Variants in ZNF385D observed in about 807,000 individuals in gnomAD.
ZNF385D encodes the protein zinc finger protein 659.
In ZNF385D, 15 loss-of-function variants were observed where a neutral mutation model predicts 35.8. That is an observed-to-expected ratio of 0.42 (90% CI 0.28 to 0.64). The LOEUF is 0.64. ZNF385D is among the 30% of genes least tolerant of loss of function. The pLI, the probability that ZNF385D is intolerant of heterozygous loss-of-function variation, is 0.23. For missense variants in ZNF385D, 474 were observed against 494.6 expected (o/e 0.96, Z 0.39); for synonymous variants, 212 against 186.8 (o/e 1.13, Z -1.10).
At chr3:21,712,450 C>G (rs1455362834) in intron 1 of ZNF385D, among the ~76,000 whole-genome samples, 1 of 152,176 alleles carries the variant, frequency 6.6e-6, no homozygotes, top group Non-Finnish European at 1.5e-5. Context: ...ACTTCCATCC[C>G]TACATTTGAA....
At chr3:22,317,325 A>G (rs1375684500) in intron 2 of ZNF385D, among the ~76,000 whole-genome samples, 1 of 151,502 alleles carries the variant, frequency 6.6e-6, no homozygotes, top group African/African-American at 2.4e-5. Context: ...AAAAGAAAAA[A>G]AAAGGAAATG....
intron 3 of ZNF385D, among the ~76,000 whole-genome samples, chr3:21,843,576 A>C (rs1011935884): frequency 6.6e-6 from 1 of 152,002 alleles, no homozygotes; most frequent in Non-Finnish European, 1.5e-5. Flanking sequence ...AAAATGTATT[A>C]ATATATTGAG....
intron 1 of ZNF385D, among the ~76,000 whole-genome samples, chr3:21,666,165 C>T (rs1390645085): frequency 6.6e-6 from 1 of 152,184 alleles, no homozygotes. Flanking sequence ...CTCTGGCCAA[C>T]TGCACACAGA....
At chr3:21,988,247 G>T (rs1476008301) in intron 3 of ZNF385D, among the ~76,000 whole-genome samples, 1 of 123,664 alleles carries the variant, frequency 8.1e-6, no homozygotes, top group African/African-American at 2.9e-5. Context: ...GAGGCGCTCT[G>T]CGTTTTAGAG....
chr3:22,291,880 A>G (rs1362516305), intron 2 of ZNF385D, among the ~76,000 whole-genome samples: 2 of 152,048 alleles, frequency 1.3e-5, no homozygotes, highest in Admixed American at 6.5e-5. Flanking sequence ...TTCAGTTTTC[A>G]TATGTGAAAC....
intron 2 of ZNF385D, among the ~76,000 whole-genome samples, chr3:21,595,771 GCT>G (rs2064112289): frequency 6.6e-6 from 1 of 152,128 alleles, no homozygotes; most frequent in African/African-American, 2.4e-5. Flanking sequence ...TAATGATAAA[GCT>G]CTCTTAGAGA....
chr3:22,332,153 AC>A (rs1286349766), intron 2 of ZNF385D, among the ~76,000 whole-genome samples: 1 of 152,156 alleles, frequency 6.6e-6, no homozygotes, highest in Non-Finnish European at 1.5e-5. Context: ...GCCTAACAAG[AC>A]CTGGTTGTTT....
At chr3:21,749,664 T>C (rs2069962855) in intron 1 of ZNF385D, among the ~76,000 whole-genome samples, 1 of 151,806 alleles carries the variant, frequency 6.6e-6, no homozygotes, top group Admixed American at 6.5e-5. Flanking sequence ...TTCTTCCAAA[T>C]CATTTTCAGC....
At chr3:22,176,069 A>G (rs1018421277) in intron 2 of ZNF385D, among the ~76,000 whole-genome samples, 4 of 146,516 alleles carry the variant, frequency 2.7e-5, no homozygotes, top group Admixed American at 2.7e-4. Flanking sequence ...CTAATTCCCC[A>G]CTAGAGTGCA....
intron 5 of ZNF385D, among the ~76,000 whole-genome samples, chr3:21,429,862 A>T (rs552412196): frequency 6.6e-6 from 1 of 152,246 alleles, no homozygotes; most frequent in African/African-American, 2.4e-5. Flanking sequence ...AAGTTCAATG[A>T]TTCAGCTTAT....
At chr3:21,671,576 C>G (rs1213673695) in intron 1 of ZNF385D, among the ~76,000 whole-genome samples, 1 of 151,980 alleles carries the variant, frequency 6.6e-6, no homozygotes, top group Non-Finnish European at 1.5e-5. Flanking sequence ...AATATCTTAC[C>G]AGAAAGAAAC....
chr3:21,761,906 G>C (rs1320652066), intron 3 of ZNF385D, among the ~76,000 whole-genome samples: 2 of 109,230 alleles, frequency 1.8e-5, no homozygotes, highest in South Asian at 3.1e-4. Context: ...TTGAGACGGA[G>C]TCTCGCTCTG....
chr3:22,264,268 C>A (rs969468739), intron 2 of ZNF385D, among the ~76,000 whole-genome samples: 5 of 151,990 alleles, frequency 3.3e-5, no homozygotes, highest in Non-Finnish European at 7.4e-5. Context: ...AAAAAACCAG[C>A]AGCTACTTTT....
chr3:21,700,260 A>G (rs972608533), intron 1 of ZNF385D, among the ~76,000 whole-genome samples: 1 of 152,148 alleles, frequency 6.6e-6, no homozygotes, highest in Non-Finnish European at 1.5e-5. Context: ...TATAGGGACC[A>G]GAAGGAAGTG....
intron 3 of ZNF385D, among the ~76,000 whole-genome samples, chr3:22,075,954 C>G (rs115664447): frequency 6.6e-6 from 1 of 151,910 alleles, no homozygotes; most frequent in African/African-American, 2.4e-5. Flanking sequence ...ATATTCTTCG[C>G]TTCTTTAATT....
rs532912415 is a variant in ZNF385D, at chr3:21,911,268, T to C, written c.326-246240A>G. On this transcript the variant is annotated intron_variant, in intron 3 of 5. Transcript: ENST00000494108. The stretch of plus-strand genomic sequence containing the variant: ...TTTTATGAGAGTCCATTAGTTCTCA[T>C]TTTAATATTTAGCACATGTTGTAAG... Among the ~76,000 whole-genome samples the C allele has an allele frequency of 7.2e-5, 11 of 152,114 alleles. No homozygotes were observed. In the South Asian group the frequency reaches 1.2e-3, roughly 17 times the overall value.
At chr3:22,006,848 C>G (rs1033627004) in intron 3 of ZNF385D, among the ~76,000 whole-genome samples, 3 of 151,718 alleles carry the variant, frequency 2.0e-5, no homozygotes, top group African/African-American at 7.3e-5. Context: ...TAAGTAGAAA[C>G]TGATACAAAA....
intron 4 of ZNF385D, among the ~76,000 whole-genome samples, chr3:21,495,287 T>C (rs760382457): frequency 2.0e-5 from 3 of 152,104 alleles, no homozygotes; most frequent in Non-Finnish European, 4.4e-5. Context: ...AGCATTGTTT[T>C]CTTTCTAGCT....
intron 3 of ZNF385D, among the ~76,000 whole-genome samples, chr3:21,928,350 C>T (rs945785549): frequency 8.5e-5 from 11 of 128,800 alleles, no homozygotes; most frequent in South Asian, 2.4e-4. Context: ...GAGGGAGGGA[C>T]GAAGGAAGGA....
Sources: allele counts gnomAD v4.1 joint callset (sites outside exome capture counted in the v4.1 genomes callset), GRCh38; gene constraint gnomAD v4.1.1; transcripts MANE v1.5; gene names NCBI Gene and HGNC (gene_info 2026-07-23, HGNC 2026-07-21).